The following PIK3C2G variants were observed in gnomAD, a reference collection of about 807,000 sequenced individuals.
PIK3C2G encodes phosphatidylinositol-4-phosphate 3-kinase catalytic subunit type 2 gamma.
A neutral mutation model predicts 181.1 loss-of-function variants in PIK3C2G; 168 were observed. The observed-to-expected ratio is 0.93, with a 90% confidence interval of 0.82 to 1.05. PIK3C2G has a LOEUF of 1.05. Ranked by LOEUF, PIK3C2G falls within the 50% of genes least tolerant of loss-of-function variation. The pLI, the probability that PIK3C2G is intolerant of heterozygous loss-of-function variation, is 0.00. For synonymous variants in PIK3C2G, 573 were observed against 592.2 expected (o/e 0.97, Z 0.47); for missense variants, 1,869 against 1,732.8 (o/e 1.08, Z -1.40).
At chr12:18,669,689 G>T in the PIK3C2G span, among the ~76,000 whole-genome samples, 1 of 151,330 alleles carries the variant, frequency 6.6e-6, no homozygotes, top group African/African-American at 2.4e-5. Context: ...ACAGATTCTC[G>T]CTCTGTCACC....
intron 6 of PIK3C2G, among the ~76,000 whole-genome samples, chr12:18,319,345 C>T (rs1951006352): frequency 6.6e-6 from 1 of 152,062 alleles, no homozygotes. Context: ...AAAATTTTAA[C>T]TTTTTCCTTT....
intron 15 of PIK3C2G, among the ~76,000 whole-genome samples, chr12:18,397,846 C>A (rs1443584454): frequency 6.6e-6 from 1 of 151,752 alleles, no homozygotes; most frequent in African/African-American, 2.4e-5. Context: ...ATTCATAATA[C>A]CCCCCCAAAA....
chr12:18,244,356 T>C (rs918558241), upstream of PIK3C2G, among the ~76,000 whole-genome samples: 1 of 151,938 alleles, frequency 6.6e-6, no homozygotes, highest in Non-Finnish European at 1.5e-5. Context: ...GAAAATAAAT[T>C]ATAGAATCTA....
chr12:18,339,406 T>G (rs867495727), intron 9 of PIK3C2G, among the ~76,000 whole-genome samples: 3 of 152,160 alleles, frequency 2.0e-5, no homozygotes, highest in African/African-American at 7.2e-5. Context: ...CATTTCACTA[T>G]GAAAACTCAA....
chr12:18,421,250 T>A (rs1945470428), intron 17 of PIK3C2G, among the ~76,000 whole-genome samples: 1 of 152,018 alleles, frequency 6.6e-6, no homozygotes, highest in Admixed American at 6.6e-5. Flanking sequence ...TTTTTAAAAA[T>A]GATTTCATTT....
At chr12:18,650,293 T>TTCTC (rs140285960), downstream of PIK3C2G, among the ~76,000 whole-genome samples, 24 of 87,734 alleles carry the variant, frequency 2.7e-4, 1 homozygote, top group East Asian at 2.6e-3. Flanking sequence ...TAACCCAAAT[T>TTCTC]TCTCTCTCTC....
chr12:18,312,446 A>G (rs569379982), intron 5 of PIK3C2G, among the ~76,000 whole-genome samples: 1 of 152,286 alleles, frequency 6.6e-6, no homozygotes, highest in Admixed American at 6.5e-5. Context: ...GTCACCTCCC[A>G]TAGCAGGAAC....
At chr12:18,490,415 A>C (rs1940452367) in intron 19 of PIK3C2G, among the ~76,000 whole-genome samples, 1 of 152,176 alleles carries the variant, frequency 6.6e-6, no homozygotes, top group Admixed American at 6.5e-5. Flanking sequence ...TTTAAAATGC[A>C]CAAAAAAATT....
chr12:18,311,009 A>G (rs1434961892), intron 5 of PIK3C2G, among the ~76,000 whole-genome samples: 1 of 152,044 alleles, frequency 6.6e-6, no homozygotes, highest in Non-Finnish European at 1.5e-5. Context: ...GTTTTTCCAG[A>G]AAAAGGGAAA....
chr12:18,322,869 A>G (rs779286920), intron 7 of PIK3C2G, among the ~76,000 whole-genome samples: 1 of 152,210 alleles, frequency 6.6e-6, no homozygotes, highest in African/African-American at 2.4e-5. Context: ...GTTGTATAAC[A>G]TACAAACAAG....
At chr12:18,266,039 A>AC (rs1351748648) in intron 1 of PIK3C2G, among the ~76,000 whole-genome samples, 1 of 139,840 alleles carries the variant, frequency 7.2e-6, no homozygotes, top group African/African-American at 2.6e-5. Flanking sequence ...AAAAAAAAAA[A>AC]AACACTACGC....
intron 18 of PIK3C2G, among the ~76,000 whole-genome samples, chr12:18,472,513 C>T (rs149439397): frequency 2.2e-4 from 34 of 152,262 alleles, no homozygotes; most frequent in Middle Eastern, 3.4e-3. Flanking sequence ...CTGGTCATCA[C>T]GATCACCCTC....
At chr12:18,710,871 AAGTC>A in the PIK3C2G span, among the ~76,000 whole-genome samples, 10 of 152,294 alleles carry the variant, frequency 6.6e-5, no homozygotes, top group Non-Finnish European at 1.3e-4. Flanking sequence ...GATCATTAAA[AAGTC>A]AGGAAACAAC....
chr12:18,513,992 T>C (rs779135369), intron 24 of PIK3C2G, among the ~76,000 whole-genome samples: 1 of 151,922 alleles, frequency 6.6e-6, no homozygotes, highest in Non-Finnish European at 1.5e-5. Context: ...TTTATTGCTA[T>C]GAACTTCCCA....
intron 18 of PIK3C2G, among the ~76,000 whole-genome samples, chr12:18,464,997 A>G (rs1477851002): frequency 6.6e-6 from 1 of 151,782 alleles, no homozygotes; most frequent in Admixed American, 6.6e-5. Flanking sequence ...TTCCTCCTTG[A>G]CTAGTTTGAC....
chr12:18,586,267 G>A (rs1048238666), intron 29 of PIK3C2G, among the ~76,000 whole-genome samples: 1 of 151,894 alleles, frequency 6.6e-6, no homozygotes, highest in Non-Finnish European at 1.5e-5. Flanking sequence ...AAACCTCAAA[G>A]AATCAATCAA....
Position 18,512,329 on chromosome 12 carries a change from G to A in PIK3C2G, c.3323+6868G>A, listed in dbSNP as rs546180952. Among the ~76,000 whole-genome samples the A allele has an allele frequency of 3.3e-5, 5 of 151,522 alleles. No homozygotes were observed. In the South Asian group the frequency reaches 1.0e-3, roughly 31 times the overall value. On this transcript the variant is annotated intron_variant, in intron 24 of 32. Coordinates refer to ENST00000538779, the MANE Select transcript of PIK3C2G (RefSeq NM_001288772.2). ...TGTGGTTCCATGATAAGGATTGTTT[G>A]TCCATTTGTGTGAAAAAAAAATGAC...
intron 7 of PIK3C2G, among the ~76,000 whole-genome samples, 155 bp from the exon 8 acceptor site, chr12:18,324,880 T>G (rs1032679988): frequency 6.6e-6 from 1 of 152,208 alleles, no homozygotes; most frequent in Non-Finnish European, 1.5e-5. Flanking sequence ...GGCACCCTTC[T>G]GAGATGTTTT....
upstream of PIK3C2G, among the ~76,000 whole-genome samples, chr12:18,244,593 C>T (rs1249155856): frequency 1.3e-5 from 2 of 151,928 alleles, no homozygotes; most frequent in South Asian, 4.1e-4. Context: ...AAGTGATTTA[C>T]AAGTAAATTA....
Sources: allele counts gnomAD v4.1 joint callset (sites outside exome capture counted in the v4.1 genomes callset), GRCh38; gene constraint gnomAD v4.1.1; transcripts MANE v1.5; gene names NCBI Gene and HGNC (gene_info 2026-07-23, HGNC 2026-07-21).